The following STXBP5 variants were observed in gnomAD, a reference collection of about 807,000 sequenced individuals.
The protein encoded by STXBP5 is syntaxin binding protein 5, also known as syntaxin-binding protein 5.
STXBP5 carries 50 observed loss-of-function variants against 152.4 expected under a neutral mutation model. The ratio of observed to expected loss-of-function variants is 0.33; its 90% CI spans 0.26 to 0.42. STXBP5 has a LOEUF of 0.42. Ranked by LOEUF, STXBP5 falls within the 10% of genes least tolerant of loss-of-function variation. The pLI, the probability that STXBP5 is intolerant of heterozygous loss-of-function variation, is 1.00. For synonymous variants in STXBP5, 492 were observed against 494.7 expected (o/e 0.99, Z 0.07); for missense variants, 1,167 against 1,388.6 (o/e 0.84, Z 2.54).
chr6:147,382,416 T>G (rs926392889), intron 26 of STXBP5, among the ~76,000 whole-genome samples: 6 of 152,132 alleles, frequency 3.9e-5, no homozygotes, highest in African/African-American at 1.4e-4. Flanking sequence ...AATCTGTATA[T>G]TCGAAGCTAA....
chr6:147,382,690 C>T (rs1345926814), intron 26 of STXBP5, 88 bp from the exon 27 acceptor site: 2 of 1,368,352 alleles, frequency 1.5e-6, no homozygotes, highest in Admixed American at 2.0e-5. Flanking sequence ...ACCACTCAAT[C>T]CAAAAATTGT....
intron 26 of STXBP5, among the ~76,000 whole-genome samples, chr6:147,375,380 A>G (rs1018719671): frequency 3.3e-5 from 5 of 152,140 alleles, no homozygotes; most frequent in African/African-American, 7.2e-5. Flanking sequence ...CTAGACCTGA[A>G]ATACTCAAAA....
In STXBP5 at chr6:147,337,190, T is replaced by TACACACACACACACACACACAC. The variant is rs1313465404; in HGVS notation, c.2147-1988_2147-1987insCACACACACACACACACACACA. Reference sequence around the variant, plus strand: ...AAAGATATATATATATACACATACATAGACACACACACACACACACACACA... The same window carrying TACACACACACACACACACACAC: ...AAAGATATATATATATACACATACATACACACACACACACACACACACAGACACACACACACACACACACACA... On this transcript the variant is annotated intron_variant, in intron 19 of 27. Transcript: ENST00000321680. Among the ~76,000 whole-genome samples, 52 of 38,582 alleles carry TACACACACACACACACACACAC rather than the reference T, an allele frequency of 1.3e-3. 1 individual carries two copies. Among genetic ancestry groups the TACACACACACACACACACACAC allele is most frequent in the Admixed American group, 0.013 (46 of 3,502 alleles). 25.3% of individuals were successfully genotyped at this position (38,582 alleles called of 152,430 possible). A position where few individuals can be genotyped will look rare whatever the true frequency, so the allele number is the denominator to read the frequency against.
intron 4 of STXBP5, among the ~76,000 whole-genome samples, chr6:147,244,954 T>G (rs1427266626): frequency 6.6e-6 from 1 of 151,732 alleles, no homozygotes; most frequent in African/African-American, 2.4e-5. Context: ...ATTATTTTCT[T>G]CATATTTATA....
chr6:147,266,957 A>G (rs1408541447), intron 6 of STXBP5, 127 bp from the exon 7 acceptor site: 1 of 758,428 alleles, frequency 1.3e-6, no homozygotes, highest in Non-Finnish European at 2.2e-6. Flanking sequence ...AGCAATGCAG[A>G]TGTTTGTTTA....
In STXBP5 at chr6:147,386,057, G is replaced by C. The variant is rs1478420303; in HGVS notation, c.*1302G>C. 1 of 151,972 alleles carries C rather than the reference G, an allele frequency of 6.6e-6. No homozygotes were observed. Among genetic ancestry groups the C allele is most frequent in the Non-Finnish European group, 1.5e-5 (1 of 67,920 alleles). The allele number at this position is 151,972 out of a possible 1,614,324, so 9.4% of individuals were successfully genotyped here. A position where few individuals can be genotyped will look rare whatever the true frequency, so the allele number is the denominator to read the frequency against. ...ATAATACAATTTGAGACCAGCAATG[G>C]ACAATGAATGATTGTTTCATAGAAT... On this transcript the variant is annotated 3_prime_UTR_variant, in exon 28 of 28. Coordinates refer to ENST00000321680, the MANE Select transcript of STXBP5 (RefSeq NM_001127715.4).
intron 16 of STXBP5, among the ~76,000 whole-genome samples, chr6:147,324,271 T>TTG (rs1554214588): frequency 2.4e-5 from 3 of 123,142 alleles, no homozygotes; most frequent in South Asian, 5.8e-4. Context: ...TTGGTTTTTT[T>TTG]TTTTTTTTTT....
chr6:147,224,703 C>A (rs1045802565), intron 2 of STXBP5, among the ~76,000 whole-genome samples: 1 of 152,078 alleles, frequency 6.6e-6, no homozygotes, highest in Non-Finnish European at 1.5e-5. Context: ...TATTGACTTT[C>A]ATTTATCCCC....
chr6:147,226,009 C>T (rs865790192), intron 2 of STXBP5, among the ~76,000 whole-genome samples: 1 of 152,136 alleles, frequency 6.6e-6, no homozygotes, highest in Non-Finnish European at 1.5e-5. Context: ...GTGAACTAAT[C>T]TTACCTAAGA....
chr6:147,330,540 G>C (rs1322862848), intron 18 of STXBP5, among the ~76,000 whole-genome samples: 4 of 152,182 alleles, frequency 2.6e-5, no homozygotes, highest in Non-Finnish European at 4.4e-5. Context: ...CATTTCAGCT[G>C]ATTTGAGGCA....
At chr6:147,235,044 T>C (rs1179850829) in intron 2 of STXBP5, among the ~76,000 whole-genome samples, 1 of 152,104 alleles carries the variant, frequency 6.6e-6, no homozygotes, top group African/African-American at 2.4e-5. Flanking sequence ...TCTAATTTGC[T>C]TGTTTTGTTT....
intron 21 of STXBP5, among the ~76,000 whole-genome samples, chr6:147,343,502 C>T (rs1784182890): frequency 6.6e-6 from 1 of 152,104 alleles, no homozygotes. Flanking sequence ...AATTGAATGT[C>T]AGAGAAGTTA....
At chr6:147,221,695 A>C (rs1777470173) in intron 2 of STXBP5, among the ~76,000 whole-genome samples, 1 of 149,008 alleles carries the variant, frequency 6.7e-6, no homozygotes, top group African/African-American at 2.5e-5. Flanking sequence ...ATTTTTTTTT[A>C]ATCTTTGGAT....
chr6:147,234,599 T>A (rs761731142), intron 2 of STXBP5, among the ~76,000 whole-genome samples: 1 of 151,960 alleles, frequency 6.6e-6, no homozygotes, highest in Non-Finnish European at 1.5e-5. Context: ...AACATTTTCA[T>A]AATAATGCCT....
chr6:147,260,839 GAATTAAATATGT>G (rs1779607210), intron 5 of STXBP5, 90 bp downstream of exon 5: 6 of 1,421,842 alleles, frequency 4.2e-6, no homozygotes. Flanking sequence ...AATCTGTATG[GAATTAAATATGT>G]GACAGATGTT....
rs896783223 is a variant in STXBP5, at chr6:147,387,250, A to C, written c.*2495A>C. 6.6e-6 allele frequency: 1 copy of C among 151,504 alleles called. No homozygotes were observed. Among genetic ancestry groups the C allele is most frequent in the Non-Finnish European group, 1.5e-5 (1 of 67,686 alleles). The allele number at this position is 151,504 out of a possible 1,614,324, so 9.4% of individuals were successfully genotyped here. On this transcript the variant is annotated 3_prime_UTR_variant, in exon 28 of 28. Transcript: ENST00000321680. ...CTGTAATTTGAGAGGTAACATCTCTATTTTTTTCTTTTTAAATACAGAAAG... is the reference window on the plus strand; with the variant it reads ...CTGTAATTTGAGAGGTAACATCTCTCTTTTTTTCTTTTTAAATACAGAAAG...
chr6:147,386,300 A>G lies in STXBP5; in HGVS notation c.*1545A>G, dbSNP rs1786335618. ...TCATTAAGAGATAATCAGAGCACAAATTGATAGTAAACAGGATGGTTGTTT... is the reference window on the plus strand; with the variant it reads ...TCATTAAGAGATAATCAGAGCACAAGTTGATAGTAAACAGGATGGTTGTTT... On this transcript the variant is annotated 3_prime_UTR_variant, in exon 28 of 28. Coordinates refer to ENST00000321680, the MANE Select transcript of STXBP5 (RefSeq NM_001127715.4). The G allele has an allele frequency of 6.6e-6, 1 of 151,898 alleles. No individual in the cohort carries two copies. Among genetic ancestry groups the G allele is most frequent in the Non-Finnish European group, 1.5e-5 (1 of 67,838 alleles). 9.4% of individuals were successfully genotyped at this position (151,898 alleles called of 1,614,324 possible). A position where few individuals can be genotyped will look rare whatever the true frequency, so the allele number is the denominator to read the frequency against.
rs1311320076 is a variant in STXBP5 at position 147,222,652 on chromosome 6, TG to T, written c.249-12597del. On this transcript the variant is annotated intron_variant, in intron 2 of 27. Transcript: ENST00000321680. The stretch of plus-strand genomic sequence containing the variant: ...CCAGCAGGTTAGGCTCTCGTAAAAG[TG>T]TTATTTCTGAAGGCAGTCCTTGTTG... 3.3e-5 allele frequency among the ~76,000 whole-genome samples: 5 copies of T among 152,256 alleles called. No individual in the cohort carries two copies. The East Asian group carries it at 7.7e-4, about 23-fold the overall frequency.
intron 4 of STXBP5, among the ~76,000 whole-genome samples, chr6:147,249,598 T>G (rs1287359933): frequency 6.6e-6 from 1 of 152,214 alleles, no homozygotes; most frequent in Non-Finnish European, 1.5e-5. Context: ...GAGCCGATTC[T>G]TCTTGCTGCT....
Sources: gnomAD v4.1 joint callset for allele counts (sites outside exome capture counted in the v4.1 genomes callset) on GRCh38, gnomAD v4.1.1 for gene constraint, MANE v1.5 for transcripts, NCBI Gene and HGNC (gene_info 2026-07-23, HGNC 2026-07-21) for gene names.